Variants in HNF1B observed in about 807,000 individuals in gnomAD.
The protein encoded by HNF1B is HNF1 homeobox B.
HNF1B carries 8 observed loss-of-function variants against 61.7 expected under a neutral mutation model. The ratio of observed to expected loss-of-function variants is 0.13; its 90% confidence interval spans 0.08 to 0.23. HNF1B has a LOEUF of 0.23. Among genes scored for constraint, HNF1B ranks in the 10% least tolerant of loss-of-function variants. HNF1B has a pLI of 1.00. For missense variants in HNF1B, 562 were observed against 714.5 expected, an observed-to-expected ratio of 0.79 and a Z score of 2.43; for synonymous variants, 314 against 287.7, an observed-to-expected ratio of 1.09 and a Z score of -0.93.
chr17:37,715,601 TCGGTCCA>T (rs1263847560), intron 4 of HNF1B, among the ~76,000 whole-genome samples: 2 of 152,306 alleles, frequency 1.3e-5, no homozygotes, highest in East Asian at 3.9e-4. Context: ...ACCAGCCGCC[TCGGTCCA>T]CTGTGTGCAC....
At chr17:37,737,157 C>T (rs1158878498) in intron 2 of HNF1B, among the ~76,000 whole-genome samples, 1 of 152,176 alleles carries the variant, frequency 6.6e-6, no homozygotes. Context: ...TCCTCCTTCT[C>T]CTCACCCCAT....
chr17:37,737,328 T>A (rs1195830585), intron 2 of HNF1B, among the ~76,000 whole-genome samples: 1 of 152,212 alleles, frequency 6.6e-6, no homozygotes, highest in African/African-American at 2.4e-5. Flanking sequence ...GCCCCTTGTG[T>A]ATATCTTTAT....
rs1267614703 is a variant in HNF1B at position 37,705,066 on chromosome 17, A to C, written c.1207-17T>G. ...GACTGAGATCTGATGGAGAGAAAAA[A>C]ACAAGAGAAACATGGGTGGACTTGG... On this transcript the variant is annotated splice_polypyrimidine_tract_variant and intron_variant, in intron 5 of 8. Transcript: ENST00000617811. 1 of 1,610,740 alleles carries C rather than the reference A, an allele frequency of 6.2e-7. No individual in the cohort carries two copies. The highest frequency in any genetic ancestry group is 2.2e-5 in the East Asian group (1 of 44,876).
chr17:37,695,523 G>A (rs2032355943), intron 8 of HNF1B, among the ~76,000 whole-genome samples: 1 of 152,204 alleles, frequency 6.6e-6, no homozygotes, highest in African/African-American at 2.4e-5. Context: ...ATGGAGCTGT[G>A]GGAATGGGCC....
Position 37,739,522 on chromosome 17 carries a change from G to A in HNF1B, c.462C>T (p.Leu154=), listed in dbSNP as rs2033929724. The change falls in exon 2 of 9, where the codon CTC becomes CTT. Residue 154 remains leucine (L), a synonymous_variant. Coordinates refer to ENST00000617811, the MANE Select transcript of HNF1B (RefSeq NM_000458.4). The part of the protein sequence containing the change: ...GLNQSHLSQH[L]NKGTPMKTQK... ...GGGTCTTCATAGGGGTGCCCTTGTT[G>A]AGATGCTGGGAGAGGTGCGACTGGT... 1 of 1,614,044 alleles carries A rather than the reference G, an allele frequency of 6.2e-7. No individual in the cohort carries two copies. The highest frequency in any genetic ancestry group is 1.1e-5 in the South Asian group (1 of 91,086).
In HNF1B at chr17:37,701,020, G is replaced by T; in HGVS notation, c.1497C>A (p.Pro499=). The T allele has an allele frequency of 6.4e-7, 1 of 1,557,824 alleles. No homozygotes were observed. Among genetic ancestry groups the T allele is most frequent in the Middle Eastern group, 2.0e-4 (1 of 5,028 alleles). ...GCAGCTGAGTCACAGCTGCCATGAA[G>T]GGCTGCTGGGCCATGTGGCTGCCTG... ...QSPGSHMAQQ[P]FMAAVTQLQN... Residue 499 remains proline, a synonymous_variant, in exon 7 of 9, where the codon CCC becomes CCA. Coordinates refer to ENST00000617811, the MANE Select transcript of HNF1B (RefSeq NM_000458.4).
chr17:37,702,386 G>A (rs534152700), intron 6 of HNF1B, among the ~76,000 whole-genome samples: 7 of 152,280 alleles, frequency 4.6e-5, no homozygotes, highest in African/African-American at 1.7e-4. Context: ...GACAGGGGAT[G>A]AATCCTGCTT....
chr17:37,731,589 G>A lies in HNF1B; in HGVS notation c.1045+6C>T. ...GCCGAGGCAGTGAGGCCCAACCTTT[G>A]CTTACCTGACAGCTTGTTTGGAGGA... On this transcript the variant is annotated splice_donor_region_variant and intron_variant, in intron 4 of 8. Transcript: ENST00000617811. 6.2e-7 allele frequency: 1 copy of A among 1,607,884 alleles called. No homozygotes were observed. The highest frequency in any genetic ancestry group is 8.5e-7 in the Non-Finnish European group (1 of 1,176,552).
intron 6 of HNF1B, among the ~76,000 whole-genome samples, chr17:37,702,528 C>T (rs373762685): frequency 2.0e-5 from 3 of 152,128 alleles, no homozygotes; most frequent in South Asian, 2.1e-4. Flanking sequence ...GACCGATGAC[C>T]GTGTTTCCCT....
At chr17:37,708,863 C>T (rs1269728182) in intron 5 of HNF1B, among the ~76,000 whole-genome samples, 1 of 152,152 alleles carries the variant, frequency 6.6e-6, no homozygotes, top group African/African-American at 2.4e-5. Context: ...CCAGAATTGG[C>T]CGGGTCAGTG....
chr17:37,737,179 C>T (rs1321228486), intron 2 of HNF1B, among the ~76,000 whole-genome samples: 1 of 152,074 alleles, frequency 6.6e-6, no homozygotes, highest in Non-Finnish European at 1.5e-5. Context: ...CACTTGTGTC[C>T]CTCTTTTATT....
chr17:37,696,695 C>T (rs568612909), intron 8 of HNF1B, among the ~76,000 whole-genome samples: 81 of 152,300 alleles, frequency 5.3e-4, no homozygotes, highest in African/African-American at 1.9e-3. Context: ...TCGCTATAAG[C>T]AATAAATCTG....
At chr17:37,737,522 G>T (rs137858872) in intron 2 of HNF1B, among the ~76,000 whole-genome samples, 1 of 152,080 alleles carries the variant, frequency 6.6e-6, no homozygotes, top group African/African-American at 2.4e-5. Flanking sequence ...TTTATGTCTC[G>T]TGTGACTTTA....
At chr17:37,699,244 C>T (rs1349750205) in intron 7 of HNF1B, 50 bp from the exon 8 acceptor site, 3 of 1,393,516 alleles carry the variant, frequency 2.2e-6, no homozygotes, top group South Asian at 1.2e-5. Context: ...CAGGCAAAGA[C>T]ACAGGTACAG....
chr17:37,701,731 C>A (rs1383802980), intron 6 of HNF1B, among the ~76,000 whole-genome samples: 3 of 152,150 alleles, frequency 2.0e-5, no homozygotes, highest in African/African-American at 7.2e-5. Context: ...AAATCAGGTG[C>A]CAACTCCCTT....
intron 4 of HNF1B, chr17:37,731,309 G>C (rs1022260613): frequency 1.7e-5 from 10 of 574,066 alleles, no homozygotes; most frequent in Non-Finnish European, 2.8e-5. Context: ...AATGACCGCT[G>C]AGTCAGCAGC....
chr17:37,719,570 A>G (rs62073542), intron 4 of HNF1B, among the ~76,000 whole-genome samples: 128,954 of 152,220 alleles, frequency 0.85, 55,003 homozygotes, highest in African/African-American at 0.94. Context: ...TCTGGCTCCC[A>G]GGGTCTGGTA....
intron 1 of HNF1B, among the ~76,000 whole-genome samples, chr17:37,740,319 C>CA (rs1472493909): frequency 1.3e-5 from 2 of 152,132 alleles, no homozygotes; most frequent in Non-Finnish European, 2.9e-5. Context: ...ATTTAAAAGG[C>CA]AGGAGGCCCA....
chr17:37,704,591 C>T (rs1282791601), intron 6 of HNF1B, among the ~76,000 whole-genome samples: 2 of 152,192 alleles, frequency 1.3e-5, no homozygotes. Flanking sequence ...TAAGCATGTT[C>T]ATATTCACTG....
Sources: allele counts gnomAD v4.1 joint callset (sites outside exome capture counted in the v4.1 genomes callset), GRCh38; gene constraint gnomAD v4.1.1; transcripts MANE v1.5; gene names NCBI Gene and HGNC (gene_info 2026-07-23, HGNC 2026-07-21).